Variants in SREK1IP1 observed in about 807,000 individuals in gnomAD.
SREK1IP1 encodes protein SREK1IP1.
Under a neutral mutation model 22.8 loss-of-function variants are expected in SREK1IP1, and 12 were observed. The observed-to-expected ratio is 0.53, with a 90% CI of 0.34 to 0.85. The LOEUF (loss-of-function observed/expected upper bound fraction) is 0.85, where lower values mean the gene tolerates loss of function less well. Among genes scored for constraint, SREK1IP1 ranks in the 40% least tolerant of loss-of-function variants. The pLI is 0.02. For missense variants in SREK1IP1, 147 were observed against 171.8 expected (o/e 0.86, Z 0.81); for synonymous variants, 53 against 52.7 (o/e 1.01, Z -0.02).
intron 1 of SREK1IP1, among the ~76,000 whole-genome samples, chr5:64,766,164 T>G (rs1479143267): frequency 6.6e-6 from 1 of 152,246 alleles, no homozygotes; most frequent in African/African-American, 2.4e-5. Flanking sequence ...AATCATTGTC[T>G]TTGACTCTGA....
intron 2 of SREK1IP1, among the ~76,000 whole-genome samples, chr5:64,752,833 T>C (rs1742773452): frequency 6.6e-6 from 1 of 152,174 alleles, no homozygotes. Context: ...GAAAGACTTG[T>C]AAATTGAGAA....
chr5:64,735,122 T>C (rs1742438588), intron 3 of SREK1IP1, among the ~76,000 whole-genome samples: 1 of 151,522 alleles, frequency 6.6e-6, no homozygotes, highest in African/African-American at 2.4e-5. Context: ...AAGTATATGA[T>C]GGACTTGCTG....
intron 1 of SREK1IP1, chr5:64,765,018 T>C (rs1045432330): frequency 6.6e-5 from 10 of 152,236 alleles, no homozygotes; most frequent in African/African-American, 2.4e-4. Flanking sequence ...AGAAAACAGT[T>C]TTGTGCCAAT....
At chr5:64,742,280 G>A (rs1742565132) in intron 2 of SREK1IP1, among the ~76,000 whole-genome samples, 1 of 151,990 alleles carries the variant, frequency 6.6e-6, no homozygotes, top group East Asian at 1.9e-4. Context: ...GTGTTTAAAT[G>A]GGCAGTTGTA....
At chr5:64,761,672 T>C (rs1004677057) in intron 1 of SREK1IP1, among the ~76,000 whole-genome samples, 6 of 152,248 alleles carry the variant, frequency 3.9e-5, no homozygotes, top group Non-Finnish European at 7.3e-5. Context: ...CAGTCAGTTA[T>C]TGACCAAAAC....
At chr5:64,737,730 A>AGAGT (rs1742489923) in intron 3 of SREK1IP1, among the ~76,000 whole-genome samples, 1 of 152,114 alleles carries the variant, frequency 6.6e-6, no homozygotes, top group African/African-American at 2.4e-5. Context: ...CTGAAAAAAG[A>AGAGT]GAGTATAAGT....
At chr5:64,734,315 T>C (rs911666405) in intron 3 of SREK1IP1, among the ~76,000 whole-genome samples, 1 of 152,150 alleles carries the variant, frequency 6.6e-6, no homozygotes, top group African/African-American at 2.4e-5. Context: ...TGAGGTTGTG[T>C]TAGTTTTTTA....
At chr5:64,763,750 A>G (rs1742990943) in intron 1 of SREK1IP1, among the ~76,000 whole-genome samples, 1 of 152,212 alleles carries the variant, frequency 6.6e-6, no homozygotes. Context: ...ATGTTAGAGA[A>G]GCCATAGGGA....
chr5:64,748,599 TA>T (rs1742684209), intron 2 of SREK1IP1, among the ~76,000 whole-genome samples: 2 of 152,226 alleles, frequency 1.3e-5, no homozygotes, highest in South Asian at 4.1e-4. Context: ...ACTAACACAG[TA>T]ACCCTGGGCC....
chr5:64,763,523 C>A (rs948665337), intron 1 of SREK1IP1, among the ~76,000 whole-genome samples: 3 of 151,188 alleles, frequency 2.0e-5, no homozygotes, highest in African/African-American at 7.3e-5. Context: ...GGCGACAGAG[C>A]GAGACTCCGT....
In SREK1IP1 at chr5:64,762,505, C is replaced by A. The variant is rs866495890; in HGVS notation, c.13+6000G>T. On this transcript the variant is annotated intron_variant, in intron 1 of 4. Transcript: ENST00000513458. ...CTATTTATATAATATATATGTTCTGCTTAAGTTGATGCAAAGTAAAATTCC... is the reference window on the plus strand; with the variant it reads ...CTATTTATATAATATATATGTTCTGATTAAGTTGATGCAAAGTAAAATTCC... Among the ~76,000 whole-genome samples the A allele has an allele frequency of 4.3e-4, 66 of 152,090 alleles. No individual in the cohort carries two copies. In the Middle Eastern group the frequency reaches 0.02, roughly 47 times the overall value.
intron 3 of SREK1IP1, among the ~76,000 whole-genome samples, chr5:64,739,112 T>G (rs999348819): frequency 6.6e-6 from 1 of 152,172 alleles, no homozygotes; most frequent in African/African-American, 2.4e-5. Context: ...GGGTCTATTT[T>G]TAGCTCTGTG....
At chr5:64,754,198 A>AGGG in intron 2 of SREK1IP1, 117 bp downstream of exon 2, 1 of 884,120 alleles carries the variant, frequency 1.1e-6, no homozygotes, top group Non-Finnish European at 1.8e-6. Flanking sequence ...ATGTTAGCTT[A>AGGG]GGGCTAAAGG....
At chr5:64,726,339 G>C (rs937993625) in intron 4 of SREK1IP1, among the ~76,000 whole-genome samples, 1 of 151,974 alleles carries the variant, frequency 6.6e-6, no homozygotes. Flanking sequence ...TATTTGGGAG[G>C]CTGAGGCAGG....
chr5:64,766,729 G>C (rs930872897), intron 1 of SREK1IP1, among the ~76,000 whole-genome samples: 10 of 152,188 alleles, frequency 6.6e-5, no homozygotes, highest in Non-Finnish European at 1.3e-4. Context: ...AGAGGAACCA[G>C]ACTGACTTCT....
chr5:64,750,610 A>G (rs1742725401), intron 2 of SREK1IP1, among the ~76,000 whole-genome samples: 1 of 152,118 alleles, frequency 6.6e-6, no homozygotes, highest in Admixed American at 6.5e-5. Flanking sequence ...TCAAACTGGT[A>G]CCTGTCTCAA....
intron 3 of SREK1IP1, among the ~76,000 whole-genome samples, chr5:64,738,868 G>A (rs186901230): frequency 2.6e-5 from 4 of 152,176 alleles, no homozygotes; most frequent in African/African-American, 4.8e-5. Context: ...CTATTTTCAC[G>A]CTTGGCTAAT....
intron 3 of SREK1IP1, among the ~76,000 whole-genome samples, chr5:64,736,915 C>CTTT (rs563372606): frequency 1.5e-5 from 2 of 131,308 alleles, no homozygotes; most frequent in African/African-American, 5.4e-5. Flanking sequence ...TGTCTCTCTT[C>CTTT]TTTTTTTTTT....
intron 2 of SREK1IP1, among the ~76,000 whole-genome samples, chr5:64,743,418 CTAA>C (rs1217144372): frequency 6.6e-6 from 1 of 152,142 alleles, no homozygotes; most frequent in African/African-American, 2.4e-5. Flanking sequence ...ATGAAATTGC[CTAA>C]TGACACACTT....
Sources: allele counts gnomAD v4.1 joint callset (sites outside exome capture counted in the v4.1 genomes callset), GRCh38; gene constraint gnomAD v4.1.1; transcripts MANE v1.5; gene names NCBI Gene and HGNC (gene_info 2026-07-23, HGNC 2026-07-21).